MEI4: variants seen among roughly 807,000 people sequenced by gnomAD.
MEI4 encodes the protein meiosis-specific protein MEI4.
Under a neutral mutation model 31.4 loss-of-function variants are expected in MEI4, and 27 were observed. The observed-to-expected ratio is 0.86, with a 90% CI of 0.63 to 1.19. The LOEUF (loss-of-function observed/expected upper bound fraction) is 1.19, where lower values mean the gene tolerates loss of function less well. MEI4 is among the 50% of genes most tolerant of loss of function. MEI4 has a pLI of 0.00. For missense variants in MEI4, 329 were observed against 398.9 expected, an observed-to-expected ratio of 0.82 and a Z score of 1.49; for synonymous variants, 122 against 145.4, an observed-to-expected ratio of 0.84 and a Z score of 1.16.
chr6:77,919,064 C>A (rs1766637266), intron 4 of MEI4, among the ~76,000 whole-genome samples: 1 of 151,950 alleles, frequency 6.6e-6, no homozygotes, highest in African/African-American at 2.4e-5. Context: ...CTTTAACACC[C>A]CACTGTCAAC....
At chr6:77,763,388 G>A (rs1173853069) in intron 3 of MEI4, among the ~76,000 whole-genome samples, 3 of 152,082 alleles carry the variant, frequency 2.0e-5, no homozygotes, top group Non-Finnish European at 4.4e-5. Context: ...TGCAGAAATT[G>A]TTGTCCTTGT....
intron 1 of MEI4, among the ~76,000 whole-genome samples, chr6:77,664,536 G>GATA (rs1768582280): frequency 6.6e-6 from 1 of 152,176 alleles, no homozygotes; most frequent in South Asian, 2.1e-4. Context: ...GAGGGGAGGC[G>GATA]ATAAAAAGAT....
chr6:77,712,545 C>T (rs1766490485), intron 2 of MEI4, among the ~76,000 whole-genome samples: 1 of 152,086 alleles, frequency 6.6e-6, no homozygotes, highest in African/African-American at 2.4e-5. Flanking sequence ...AGGAAAAGGG[C>T]AAGGCTTAGA....
intron 3 of MEI4, among the ~76,000 whole-genome samples, chr6:77,816,310 A>G (rs1281683630): frequency 2.0e-5 from 3 of 152,136 alleles, no homozygotes; most frequent in African/African-American, 2.4e-5. Context: ...CTTACCTGTC[A>G]AAGTGTGTCA....
chr6:77,672,121 G>A (rs564055805), intron 1 of MEI4, among the ~76,000 whole-genome samples: 8 of 152,286 alleles, frequency 5.3e-5, no homozygotes, highest in Non-Finnish European at 1.2e-4. Context: ...ACTGGCGGGC[G>A]AAGAGGAAAG....
At chr6:77,815,830 C>G (rs1296965747) in intron 3 of MEI4, among the ~76,000 whole-genome samples, 1 of 151,490 alleles carries the variant, frequency 6.6e-6, no homozygotes, top group Non-Finnish European at 1.5e-5. Context: ...CATCTGATAA[C>G]TAAGCAGAAA....
intron 3 of MEI4, among the ~76,000 whole-genome samples, chr6:77,771,225 A>C (rs1768308381): frequency 1.3e-5 from 2 of 152,172 alleles, no homozygotes; most frequent in Admixed American, 1.3e-4. Context: ...ATGCAAATCA[A>C]AACCACAATG....
intron 3 of MEI4, among the ~76,000 whole-genome samples, chr6:77,794,538 G>T (rs1227695587): frequency 6.6e-6 from 1 of 152,054 alleles, no homozygotes; most frequent in Non-Finnish European, 1.5e-5. Context: ...CTCCAGCCTG[G>T]GTGACAGAGT....
rs568302524 is a variant in MEI4 at position 77,744,478 on chromosome 6, C to G, written c.233-16652C>G. ...GAAATATGGGACTATGCGAAAAGAC[C>G]AAATCTACGTCTGATTGGTGTACCT... On this transcript the variant is annotated intron_variant, in intron 2 of 4. Coordinates refer to ENST00000684080, the MANE Select transcript of MEI4 (RefSeq NM_001322247.2). Among the ~76,000 whole-genome samples, 111 of 151,578 alleles carry G rather than the reference C, an allele frequency of 7.3e-4. 1 individual carries two copies. Among genetic ancestry groups the G allele is most frequent in the Non-Finnish European group, 7.8e-4 (53 of 67,864 alleles).
chr6:77,906,602 G>A (rs899482631), intron 4 of MEI4, among the ~76,000 whole-genome samples: 1 of 152,106 alleles, frequency 6.6e-6, no homozygotes, highest in Non-Finnish European at 1.5e-5. Context: ...AATCCATTTT[G>A]GCATTGGGTT....
chr6:77,852,589 T>TTG (rs1255798840), intron 4 of MEI4, among the ~76,000 whole-genome samples: 2 of 150,944 alleles, frequency 1.3e-5, no homozygotes, highest in Non-Finnish European at 2.9e-5. Flanking sequence ...TTGTTTGTTT[T>TTG]TTTTTTTTGT....
intron 4 of MEI4, among the ~76,000 whole-genome samples, chr6:77,849,846 C>A (rs1033058247): frequency 6.6e-6 from 1 of 152,076 alleles, no homozygotes; most frequent in Admixed American, 6.6e-5. Flanking sequence ...CTACTTTATA[C>A]AATATTTTGT....
intron 4 of MEI4, among the ~76,000 whole-genome samples, chr6:77,896,304 T>A (rs946379727): frequency 2.0e-5 from 3 of 152,116 alleles, no homozygotes; most frequent in African/African-American, 7.2e-5. Flanking sequence ...GTGATAAATG[T>A]GAGTCAAATC....
At chr6:77,733,065 C>A (rs1767060397) in intron 2 of MEI4, among the ~76,000 whole-genome samples, 1 of 151,946 alleles carries the variant, frequency 6.6e-6, no homozygotes, top group Non-Finnish European at 1.5e-5. Context: ...CAATGTTCAT[C>A]AAGGATATTG....
At chr6:77,849,661 G>A (rs73763511) in intron 4 of MEI4, among the ~76,000 whole-genome samples, 191 of 152,250 alleles carry the variant, frequency 1.3e-3, no homozygotes, top group African/African-American at 4.5e-3. Flanking sequence ...AAGAAAAACC[G>A]ATTCTTTCCA....
At chr6:77,799,452 A>G (rs1769182307) in intron 3 of MEI4, among the ~76,000 whole-genome samples, 1 of 152,062 alleles carries the variant, frequency 6.6e-6, no homozygotes, top group Admixed American at 6.6e-5. Flanking sequence ...TTGCCTATTC[A>G]ATCTGATGGT....
intron 3 of MEI4, among the ~76,000 whole-genome samples, chr6:77,822,863 C>T (rs1378019285): frequency 6.6e-6 from 1 of 151,974 alleles, no homozygotes; most frequent in African/African-American, 2.4e-5. Flanking sequence ...ACCTCATGAT[C>T]TGCCTGCCTT....
chr6:77,911,264 A>T (rs1309888281), intron 4 of MEI4, among the ~76,000 whole-genome samples: 1 of 152,026 alleles, frequency 6.6e-6, no homozygotes, highest in East Asian at 1.9e-4. Context: ...GAATCTTCTT[A>T]GTTCAATATA....
At position 77,686,525 on chromosome 6, in the gene MEI4, C is replaced by T. The variant is rs146536484; in HGVS notation, c.-14-4133C>T. ...ACTGCATTTACTGTTTTATGTTTTA[C>T]TGTACATTTAATGTCATGTGGGAAA... On this transcript the variant is annotated intron_variant, in intron 1 of 4. Transcript: ENST00000684080. Among the ~76,000 whole-genome samples the T allele has an allele frequency of 8.1e-3, 1,226 of 151,796 alleles. 14 individuals carry two copies. Among genetic ancestry groups the T allele is most frequent in the African/African-American group, 0.027 (1,111 of 41,374 alleles).
Sources: gnomAD v4.1 joint callset for allele counts (sites outside exome capture counted in the v4.1 genomes callset) on GRCh38, gnomAD v4.1.1 for gene constraint, MANE v1.5 for transcripts, NCBI Gene and HGNC (gene_info 2026-07-23, HGNC 2026-07-21) for gene names.